The following RSRC1 variants were observed in gnomAD, a reference collection of about 807,000 sequenced individuals.
RSRC1 encodes the protein serine/Arginine-related protein 53.
RSRC1 carries 39 observed loss-of-function variants against 49.1 expected under a neutral mutation model. The ratio of observed to expected loss-of-function variants is 0.79; its 90% CI spans 0.61 to 1.04. The LOEUF is 1.04. Among genes scored for constraint, RSRC1 ranks in the 50% least tolerant of loss-of-function variants. The probability of loss-of-function intolerance (pLI) is 0.00; values close to 1 mark genes in which losing one functional copy is unlikely to be tolerated. For missense variants in RSRC1, 388 were observed against 402.4 expected, an observed-to-expected ratio of 0.96 and a Z score of 0.31; for synonymous variants, 143 against 130.8, an observed-to-expected ratio of 1.09 and a Z score of -0.63.
chr3:158,295,515 C>T (rs1232623020), intron 4 of RSRC1, among the ~76,000 whole-genome samples: 1 of 152,010 alleles, frequency 6.6e-6, no homozygotes, highest in Non-Finnish European at 1.5e-5. Context: ...CAATAAGAGA[C>T]TATTGCAGCA....
chr3:158,258,199 C>T (rs2108028505), intron 4 of RSRC1, among the ~76,000 whole-genome samples: 1 of 131,864 alleles, frequency 7.6e-6, no homozygotes, highest in East Asian at 2.2e-4. Flanking sequence ...TTGAAGAACT[C>T]CTTTTAACCT....
chr3:158,378,721 T>A (rs1209078393), intron 6 of RSRC1, among the ~76,000 whole-genome samples: 1 of 152,150 alleles, frequency 6.6e-6, no homozygotes, highest in Non-Finnish European at 1.5e-5. Context: ...CCTCCTTACT[T>A]CCAGTGGCTG....
intron 7 of RSRC1, among the ~76,000 whole-genome samples, chr3:158,524,414 G>T (rs1240870959): frequency 3.3e-5 from 5 of 151,870 alleles, no homozygotes; most frequent in Non-Finnish European, 5.9e-5. Context: ...TTTCTTTGGG[G>T]CATTGTCCAC....
intron 5 of RSRC1, among the ~76,000 whole-genome samples, chr3:158,299,991 G>T (rs1462194247): frequency 1.3e-5 from 2 of 151,994 alleles, no homozygotes; most frequent in African/African-American, 4.8e-5. Context: ...GAGTACTCTG[G>T]CTAAAAATAT....
At chr3:158,112,875 T>G (rs535419125) in intron 1 of RSRC1, among the ~76,000 whole-genome samples, 14 of 152,306 alleles carry the variant, frequency 9.2e-5, no homozygotes, top group African/African-American at 3.1e-4. Context: ...AGCTCCCACT[T>G]ATGAGTGAGA....
At chr3:158,136,129 A>G (rs1716355720) in intron 3 of RSRC1, among the ~76,000 whole-genome samples, 1 of 152,220 alleles carries the variant, frequency 6.6e-6, no homozygotes, top group Non-Finnish European at 1.5e-5. Context: ...AGAAGGTGGC[A>G]TTACAGACAA....
At chr3:158,411,608 G>A (rs1734469577) in intron 6 of RSRC1, among the ~76,000 whole-genome samples, 1 of 151,598 alleles carries the variant, frequency 6.6e-6, no homozygotes, top group Admixed American at 6.6e-5. Context: ...GCCTTGAACT[G>A]CTAAGCTCAA....
chr3:158,155,508 C>T (rs2108217459), intron 3 of RSRC1, among the ~76,000 whole-genome samples: 1 of 152,182 alleles, frequency 6.6e-6, no homozygotes, highest in South Asian at 2.1e-4. Flanking sequence ...GATCTCGGCT[C>T]CCTGCAGCCT....
chr3:158,309,628 C>T (rs150389197), intron 5 of RSRC1, among the ~76,000 whole-genome samples: 52 of 151,834 alleles, frequency 3.4e-4, no homozygotes, highest in African/African-American at 1.2e-3. Flanking sequence ...TACTGGTACA[C>T]TCTTATAAAA....
At chr3:158,221,308 T>C (rs543399228) in intron 4 of RSRC1, among the ~76,000 whole-genome samples, 1 of 151,684 alleles carries the variant, frequency 6.6e-6, no homozygotes, top group Non-Finnish European at 1.5e-5. Context: ...TATTCCCTAA[T>C]AACTTTGTCA....
chr3:158,155,598 CTTTTTT>C (rs34972266), intron 3 of RSRC1, among the ~76,000 whole-genome samples: 2 of 133,932 alleles, frequency 1.5e-5, no homozygotes, highest in Non-Finnish European at 3.1e-5. Context: ...AGCCTAGCTA[CTTTTTT>C]TTTTTTTTTT....
At chr3:158,229,395 T>C (rs61244568) in intron 4 of RSRC1, among the ~76,000 whole-genome samples, 1 of 23,732 alleles carries the variant, frequency 4.2e-5, no homozygotes, top group Non-Finnish European at 8.0e-5. Context: ...TGTATATATA[T>C]ACACATACAC....
At chr3:158,222,427 A>G (rs923799495) in intron 4 of RSRC1, among the ~76,000 whole-genome samples, 1 of 151,604 alleles carries the variant, frequency 6.6e-6, no homozygotes, top group African/African-American at 2.4e-5. Flanking sequence ...AAAAATAAGT[A>G]TATGAGGTAG....
intron 6 of RSRC1, among the ~76,000 whole-genome samples, chr3:158,425,629 G>C (rs557270059): frequency 4.0e-5 from 6 of 151,876 alleles, no homozygotes; most frequent in South Asian, 2.1e-4. Flanking sequence ...TTCAATTCCT[G>C]GGTATCCTTG....
chr3:158,292,048 G>A (rs1035665701), intron 4 of RSRC1, among the ~76,000 whole-genome samples: 3 of 151,976 alleles, frequency 2.0e-5, no homozygotes, highest in African/African-American at 4.8e-5. Flanking sequence ...ATCTTCTCAC[G>A]CCTAAGATTA....
At chr3:158,130,059 G>A (rs1396280043) in intron 3 of RSRC1, among the ~76,000 whole-genome samples, 1 of 152,174 alleles carries the variant, frequency 6.6e-6, no homozygotes, top group Non-Finnish European at 1.5e-5. Context: ...CTGGTGCCTG[G>A]GAGGTTAGAG....
chr3:158,183,634 C>T (rs1296877604), intron 3 of RSRC1, among the ~76,000 whole-genome samples: 2 of 152,050 alleles, frequency 1.3e-5, no homozygotes, highest in South Asian at 2.1e-4. Flanking sequence ...GATTCCTTTT[C>T]AGCTGGGTTC....
At chr3:158,238,593 C>G (rs1422052849) in intron 4 of RSRC1, among the ~76,000 whole-genome samples, 1 of 152,106 alleles carries the variant, frequency 6.6e-6, no homozygotes, top group East Asian at 1.9e-4. Flanking sequence ...CTTTGACAAA[C>G]CTGACAAAAA....
chr3:158,180,460 G>C (rs9851010), intron 3 of RSRC1, among the ~76,000 whole-genome samples: 9,811 of 112,150 alleles, frequency 0.087, 528 homozygotes, highest in Middle Eastern at 0.16. Flanking sequence ...TTATGTGTCT[G>C]TGTGTGTGTA....
Sources: allele counts gnomAD v4.1 joint callset (sites outside exome capture counted in the v4.1 genomes callset), GRCh38; gene constraint gnomAD v4.1.1; transcripts MANE v1.5; gene names NCBI Gene and HGNC (gene_info 2026-07-23, HGNC 2026-07-21).